NAALADL2: variants seen among roughly 807,000 people sequenced by gnomAD.
NAALADL2 encodes the protein inactive N-acetylated-alpha-linked acidic dipeptidase-like protein 2.
A neutral mutation model predicts 87.2 loss-of-function variants in NAALADL2; 76 were observed. The ratio of observed to expected loss-of-function variants is 0.87; its 90% CI spans 0.72 to 1.05. NAALADL2 has a LOEUF of 1.05. Ranked by LOEUF, NAALADL2 falls within the 50% of genes least tolerant of loss-of-function variation. The pLI, the probability that NAALADL2 is intolerant of heterozygous loss-of-function variation, is 0.00. For synonymous variants in NAALADL2, 354 were observed against 331.0 expected, an observed-to-expected ratio of 1.07 and a Z score of -0.75; for missense variants, 1,089 against 945.8, an observed-to-expected ratio of 1.15 and a Z score of -1.99.
At chr3:174,911,353 C>T (rs1240582541) in intron 1 of NAALADL2, among the ~76,000 whole-genome samples, 1 of 152,066 alleles carries the variant, frequency 6.6e-6, no homozygotes, top group Non-Finnish European at 1.5e-5. Context: ...AATATTTGTG[C>T]ATTTGGTTAA....
chr3:175,277,717 C>A (rs952768876), intron 4 of NAALADL2, among the ~76,000 whole-genome samples: 1 of 152,128 alleles, frequency 6.6e-6, no homozygotes, highest in African/African-American at 2.4e-5. Flanking sequence ...ATTTATGAAT[C>A]CTTAAATAAT....
intron 2 of NAALADL2, among the ~76,000 whole-genome samples, chr3:175,152,369 A>G (rs1731675796): frequency 6.6e-6 from 1 of 152,178 alleles, no homozygotes; most frequent in Non-Finnish European, 1.5e-5. Context: ...TATTGTGAAT[A>G]AAAAGTTAGA....
At chr3:175,408,914 T>A (rs1712937650) in intron 5 of NAALADL2, among the ~76,000 whole-genome samples, 1 of 152,000 alleles carries the variant, frequency 6.6e-6, no homozygotes, top group East Asian at 1.9e-4. Flanking sequence ...TAATAGAATC[T>A]TAGTACACTT....
chr3:175,155,191 C>T (rs931156966), intron 2 of NAALADL2, among the ~76,000 whole-genome samples: 2 of 152,034 alleles, frequency 1.3e-5, no homozygotes, highest in African/African-American at 4.8e-5. Context: ...GCGGTGGGGC[C>T]TGGGTATCAG....
chr3:174,900,761 A>C (rs1208281040), intron 1 of NAALADL2, among the ~76,000 whole-genome samples: 1 of 152,112 alleles, frequency 6.6e-6, no homozygotes, highest in Non-Finnish European at 1.5e-5. Flanking sequence ...GGCTACTTAA[A>C]AAAATTAACA....
At chr3:175,761,970 C>T (rs1390721184) in intron 13 of NAALADL2, among the ~76,000 whole-genome samples, 1 of 152,014 alleles carries the variant, frequency 6.6e-6, no homozygotes, top group Non-Finnish European at 1.5e-5. Context: ...TTAACAGTAC[C>T]TCTTGCAGAG....
rs754518348 is a variant in NAALADL2 at position 175,803,133 on chromosome 3, T to C, written c.2318T>C (p.Ile773Thr). The change falls in exon 14 of 14, where the codon ATT (isoleucine) becomes ACT (threonine). Residue 773 changes from isoleucine (I) to threonine (T), a missense_variant. Physicochemically the swap from Ile to Thr is moderately conservative, Grantham distance 89. Coordinates refer to ENST00000454872, the MANE Select transcript of NAALADL2 (RefSeq NM_207015.3). ...QEALSEVLNS[I>T]NSAQVYFKAG... Reference sequence around the variant, plus strand: ...GCCCTGTCAGAGGTGTTGAACAGCATTAATTCAGCTCAGGTTTACTTCAAA... The same window carrying C: ...GCCCTGTCAGAGGTGTTGAACAGCACTAATTCAGCTCAGGTTTACTTCAAA... 1.2e-6 allele frequency: 2 copies of C among 1,612,442 alleles called. No homozygotes were observed. The highest frequency in any genetic ancestry group is 8.5e-7 in the Non-Finnish European group (1 of 1,178,950).
intron 11 of NAALADL2, among the ~76,000 whole-genome samples, chr3:175,698,403 G>GTATATATGTGTAGA (rs1328535241): frequency 1.3e-5 from 1 of 74,250 alleles, no homozygotes; most frequent in Non-Finnish European, 2.4e-5. Flanking sequence ...ATATGTATGT[G>GTATATATGTGTAGA]TATTTATGTA....
chr3:174,946,717 C>T (rs569594465), intron 1 of NAALADL2, among the ~76,000 whole-genome samples: 5 of 151,792 alleles, frequency 3.3e-5, no homozygotes, highest in South Asian at 2.1e-4. Flanking sequence ...GAGGGAAGAA[C>T]GGAGAAAGAG....
intron 1 of NAALADL2, among the ~76,000 whole-genome samples, chr3:174,951,866 C>A (rs967578560): frequency 6.6e-6 from 1 of 152,112 alleles, no homozygotes; most frequent in African/African-American, 2.4e-5. Flanking sequence ...TATTATTCAA[C>A]ATTGATTTAT....
At chr3:175,718,806 C>A in intron 11 of NAALADL2, 1 of 610,706 alleles carries the variant, frequency 1.6e-6, no homozygotes, top group Non-Finnish European at 2.7e-6. Context: ...GCACACACCA[C>A]TGCACTCCAG....
At chr3:174,755,933 G>A (rs1328884174) in intron 3 of NAALADL2, among the ~76,000 whole-genome samples, 2 of 152,194 alleles carry the variant, frequency 1.3e-5, no homozygotes, top group Admixed American at 1.3e-4. Flanking sequence ...GGCCCATTGT[G>A]TAGGCAGAGG....
chr3:174,457,517 C>T (rs1391593330), intron 1 of NAALADL2, among the ~76,000 whole-genome samples: 1 of 152,094 alleles, frequency 6.6e-6, no homozygotes, highest in Non-Finnish European at 1.5e-5. Flanking sequence ...TACAATGCAG[C>T]CATACAGCCA....
At position 174,724,227 on chromosome 3, in the gene NAALADL2, T is replaced by C. The variant is rs143132408; in HGVS notation, c.-114-13414T>C. Among the ~76,000 whole-genome samples the C allele has an allele frequency of 7.6e-3, 1,164 of 152,332 alleles. 15 individuals are homozygous for C. The highest frequency in any genetic ancestry group is 0.027 in the Middle Eastern group (8 of 294). ...ATTAAGAGTTACTAATTAAGAATTATCCTTTTAGAAATTCACCTCCATAGC... is the reference window on the plus strand; with the variant it reads ...ATTAAGAGTTACTAATTAAGAATTACCCTTTTAGAAATTCACCTCCATAGC... On this transcript the variant is annotated intron_variant, in intron 2 of 3. Transcript: ENST00000434257.
At chr3:174,637,309 A>T (rs1397116999) in intron 2 of NAALADL2, among the ~76,000 whole-genome samples, 1 of 152,070 alleles carries the variant, frequency 6.6e-6, no homozygotes, top group Non-Finnish European at 1.5e-5. Flanking sequence ...ATATTTCAAA[A>T]TAACTAAAGG....
chr3:175,003,829 G>A (rs79534542), intron 1 of NAALADL2, among the ~76,000 whole-genome samples: 143 of 152,304 alleles, frequency 9.4e-4, no homozygotes, highest in African/African-American at 3.3e-3. Flanking sequence ...GTGAAAATGT[G>A]TAATGGGCTT....
At chr3:174,501,288 C>CATA (rs1718875093) in intron 1 of NAALADL2, among the ~76,000 whole-genome samples, 10 of 143,704 alleles carry the variant, frequency 7.0e-5, no homozygotes, top group African/African-American at 3.0e-4. Flanking sequence ...CCGTTTTAGC[C>CATA]GGGATGGTCT....
chr3:174,787,485 A>G (rs1003750945), intron 3 of NAALADL2, among the ~76,000 whole-genome samples: 2 of 148,806 alleles, frequency 1.3e-5, no homozygotes, highest in Admixed American at 1.4e-4. Context: ...TTTGCCAGGA[A>G]TAAGCCATGT....
intron 1 of NAALADL2, among the ~76,000 whole-genome samples, chr3:174,529,477 C>T (rs1039056616): frequency 2.0e-5 from 3 of 152,190 alleles, no homozygotes; most frequent in African/African-American, 7.2e-5. Flanking sequence ...TGGTGGCCCT[C>T]TTCTCACAGC....
Sources: gnomAD v4.1 joint callset for allele counts (sites outside exome capture counted in the v4.1 genomes callset) on GRCh38, gnomAD v4.1.1 for gene constraint, MANE v1.5 for transcripts, NCBI Gene and HGNC (gene_info 2026-07-23, HGNC 2026-07-21) for gene names.